The following NXNL1 variants were observed in gnomAD, a reference collection of about 807,000 sequenced individuals.
The protein encoded by NXNL1 is nucleoredoxin like 1, also known as nucleoredoxin-like protein 1.
In NXNL1, 6 loss-of-function variants were observed where a neutral mutation model predicts 7.2. The observed-to-expected ratio is 0.83, with a 90% CI of 0.46 to 1.64. The LOEUF (loss-of-function observed/expected upper bound fraction) is 1.64, where lower values mean the gene tolerates loss of function less well. NXNL1 is among the 40% of genes most tolerant of loss of function. NXNL1 has a pLI of 0.01. For synonymous variants in NXNL1, 133 were observed against 127.2 expected (o/e 1.05, Z -0.31); for missense variants, 308 against 285.1 (o/e 1.08, Z -0.58).
chr19:17,458,455 G>A (rs1278593071), intron 1 of NXNL1, among the ~76,000 whole-genome samples: 7 of 151,402 alleles, frequency 4.6e-5, no homozygotes, highest in South Asian at 2.1e-4. Flanking sequence ...TGATCCGCCC[G>A]CCTCGGCCTC....
chr19:17,456,352 G>C (rs933878391), intron 1 of NXNL1, among the ~76,000 whole-genome samples: 11 of 110,652 alleles, frequency 9.9e-5, no homozygotes, highest in Non-Finnish European at 2.0e-4. Flanking sequence ...AGCAGGGTGT[G>C]GTGGTGCGCT....
At chr19:17,457,704 C>T (rs188285568) in intron 1 of NXNL1, among the ~76,000 whole-genome samples, 6 of 152,208 alleles carry the variant, frequency 3.9e-5, no homozygotes, top group East Asian at 1.9e-4. Flanking sequence ...ATCCCGTCTA[C>T]GGGGGATGTG....
intron 1 of NXNL1, among the ~76,000 whole-genome samples, chr19:17,460,051 C>T (rs2075006812): frequency 6.6e-6 from 1 of 152,084 alleles, no homozygotes; most frequent in South Asian, 2.1e-4. Flanking sequence ...CCCTCTGTCA[C>T]CCAGGCTGGA....
intron 1 of NXNL1, among the ~76,000 whole-genome samples, chr19:17,458,451 G>A (rs1337039962): frequency 2.6e-5 from 4 of 151,050 alleles, no homozygotes; most frequent in African/African-American, 4.9e-5. Flanking sequence ...CTCGTGATCC[G>A]CCCGCCTCGG....
intron 1 of NXNL1, among the ~76,000 whole-genome samples, chr19:17,459,354 C>G (rs182018261): frequency 6.6e-5 from 10 of 152,308 alleles, no homozygotes; most frequent in Middle Eastern, 3.4e-3. Context: ...TCCTCATTCT[C>G]CATCCTCCTA....
At chr19:17,460,427 AG>A in intron 1 of NXNL1, 116 bp downstream of exon 1, 1 of 1,109,586 alleles carries the variant, frequency 9.0e-7, no homozygotes, top group Non-Finnish European at 1.3e-6. Flanking sequence ...TGTACCCCCT[AG>A]TTCCCAGTAT....
In NXNL1 at chr19:17,455,663, G is replaced by GCCCCCCCCCCCCCCCCCC; in HGVS notation, c.622_623insGGGGGGGGGGGGGGGGGG (p.Gly207_Ala208insGlyGlyGlyGlyGlyGly). ...CCTAGCGGGTCAGAACAGCCCCCCG[G>GCCCCCCCCCCCCCCCCCC]CCCCGCCCTCCTCCCCACCCCCTCC... On this transcript the variant is annotated inframe_insertion, in exon 2 of 2. Transcript: ENST00000301944. 1.4e-5 allele frequency: 11 copies of GCCCCCCCCCCCCCCCCCC among 771,714 alleles called. No individual in the cohort carries two copies. The highest frequency in any genetic ancestry group is 6.0e-5 in the South Asian group (4 of 66,492). The allele number at this position is 771,714 out of a possible 1,614,324, so 47.8% of individuals were successfully genotyped here. A position where few individuals can be genotyped will look rare whatever the true frequency, so the allele number is the denominator to read the frequency against.
intron 1 of NXNL1, 32 bp downstream of exon 1, chr19:17,460,512 T>C: frequency 1.3e-6 from 2 of 1,594,830 alleles, no homozygotes; most frequent in Non-Finnish European, 1.7e-6. Flanking sequence ...ACATGCCCCC[T>C]CCTCCAGGAA....
chr19:17,456,697 C>T (rs1250136587), intron 1 of NXNL1, among the ~76,000 whole-genome samples: 2 of 152,038 alleles, frequency 1.3e-5, no homozygotes, highest in Non-Finnish European at 2.9e-5. Context: ...GCCTAGCCAA[C>T]ATGGTTAACA....
Position 17,455,515 on chromosome 19 carries a change from G to T in NXNL1, c.*132C>A, listed in dbSNP as rs2074988644. On this transcript the variant is annotated 3_prime_UTR_variant, in exon 2 of 2. Coordinates refer to ENST00000301944, the MANE Select transcript of NXNL1 (RefSeq NM_138454.2). ...AGGGTCTCACTCTCTTGCCCAGGTT[G>T]ATCTCGAACCTCTGGGCTCAAGCGA... 2 of 621,540 alleles carry T rather than the reference G, an allele frequency of 3.2e-6. No homozygotes were observed. The highest frequency in any genetic ancestry group is 5.6e-6 in the Non-Finnish European group (2 of 357,216). The allele number at this position is 621,540 out of a possible 1,614,324, so 38.5% of individuals were successfully genotyped here.
rs191170767 is a variant in NXNL1, at chr19:17,458,260, C to T, written c.326+2284G>A. On this transcript the variant is annotated intron_variant, in intron 1 of 1. Coordinates refer to ENST00000301944, the MANE Select transcript of NXNL1 (RefSeq NM_138454.2). ...TTTGTGACATAGTCTCGCTCTGTCG[C>T]CCAGGCTGGAGTGCAGTGGCACGAT... 6.6e-3 allele frequency among the ~76,000 whole-genome samples: 939 copies of T among 142,234 alleles called. 9 individuals carry two copies. The highest frequency in any genetic ancestry group is 0.023 in the African/African-American group (897 of 38,268). 93.3% of individuals were successfully genotyped at this position (142,234 alleles called of 152,430 possible).
Position 17,455,663 on chromosome 19 carries a change from G to GGCCCCCCCC in NXNL1, c.622_623insGGGGGGGGC (p.Ala208delinsGlyGlyGlyPro). The GGCCCCCCCC allele has an allele frequency of 5.2e-6, 4 of 771,710 alleles. No homozygotes were observed. Among genetic ancestry groups the GGCCCCCCCC allele is most frequent in the Non-Finnish European group, 4.3e-6 (2 of 464,462 alleles). 47.8% of individuals were successfully genotyped at this position (771,710 alleles called of 1,614,324 possible). A position where few individuals can be genotyped will look rare whatever the true frequency, so the allele number is the denominator to read the frequency against. Reference sequence around the variant, plus strand: ...CCTAGCGGGTCAGAACAGCCCCCCGGCCCCGCCCTCCTCCCCACCCCCTCC... The same window carrying GGCCCCCCCC: ...CCTAGCGGGTCAGAACAGCCCCCCGGGCCCCCCCCCCCCGCCCTCCTCCCCACCCCCTCC... On this transcript the variant is annotated protein_altering_variant, in exon 2 of 2. Transcript: ENST00000301944.
intron 1 of NXNL1, among the ~76,000 whole-genome samples, chr19:17,456,371 C>G (rs10402938): frequency 0.037 from 5,482 of 150,156 alleles, 289 homozygotes; most frequent in African/African-American, 0.11. Flanking sequence ...CTCCTGTAGT[C>G]CCAGGTACTC....
At position 17,455,444 on chromosome 19, in the gene NXNL1, AG is replaced by A; in HGVS notation, c.*202del. On this transcript the variant is annotated 3_prime_UTR_variant, in exon 2 of 2. Coordinates refer to ENST00000301944, the MANE Select transcript of NXNL1 (RefSeq NM_138454.2). Reference sequence around the variant, plus strand: ...TCAGCCTTCAGGGTAGCTAAGCCACAGGTGCGCGCCACCACACCGGGCTAAC... The same window carrying A: ...TCAGCCTTCAGGGTAGCTAAGCCACAGTGCGCGCCACCACACCGGGCTAAC... 1 of 576,712 alleles carries A rather than the reference AG, an allele frequency of 1.7e-6. No individual in the cohort carries two copies. The highest frequency in any genetic ancestry group is 2.9e-5 in the East Asian group (1 of 34,530). 35.7% of individuals were successfully genotyped at this position (576,712 alleles called of 1,614,324 possible). A position where few individuals can be genotyped will look rare whatever the true frequency, so the allele number is the denominator to read the frequency against.
In NXNL1 at chr19:17,455,584, CG is replaced by C; in HGVS notation, c.*62del. 2.0e-6 allele frequency: 2 copies of C among 1,010,714 alleles called. No individual in the cohort carries two copies. The highest frequency in any genetic ancestry group is 2.9e-6 in the Non-Finnish European group (2 of 696,314). The allele number at this position is 1,010,714 out of a possible 1,614,324, so 62.6% of individuals were successfully genotyped here. A position where few individuals can be genotyped will look rare whatever the true frequency, so the allele number is the denominator to read the frequency against. On this transcript the variant is annotated 3_prime_UTR_variant, in exon 2 of 2. Coordinates refer to ENST00000301944, the MANE Select transcript of NXNL1 (RefSeq NM_138454.2). ...CCCAAGTGCTGGGATTACAGGCGTG[CG>C]GGGGTGGGGTGGGGGTGGAGGTTCA... is the stretch of plus-strand genomic sequence containing the variant.
chr19:17,456,413 G>A (rs1024600859), intron 1 of NXNL1, among the ~76,000 whole-genome samples: 1 of 151,950 alleles, frequency 6.6e-6, no homozygotes, highest in Non-Finnish European at 1.5e-5. Flanking sequence ...CTTCCCTCGA[G>A]AAGTATCCCT....
chr19:17,457,105 A>C (rs12373557), intron 1 of NXNL1, among the ~76,000 whole-genome samples: 27 of 150,334 alleles, frequency 1.8e-4, no homozygotes, highest in Non-Finnish European at 3.0e-4. Flanking sequence ...AAAAAAAAAA[A>C]AAAAATTGGA....
chr19:17,455,930 C>G lies in NXNL1; in HGVS notation c.356G>C (p.Arg119Pro), dbSNP rs748127563. Residue 119 changes from arginine (R) to proline (P), a missense_variant, in exon 2 of 2, where the codon CGC becomes CCC. By Grantham distance (103) the Arg-to-Pro change is moderately radical. Coordinates refer to ENST00000301944, the MANE Select transcript of NXNL1 (RefSeq NM_138454.2). ...CTTGAGCACCACGACCGCCGGCAGGCGCTCCACTGAGAACTGGCGCCCGAG... is the reference window on the plus strand; with the variant it reads ...CTTGAGCACCACGACCGCCGGCAGGGGCTCCACTGAGAACTGGCGCCCGAG... ...RDLGRQFSVERLPAVVVLKPD... is the reference protein window; with the variant it reads ...RDLGRQFSVEPLPAVVVLKPD... 3 of 1,596,428 alleles carry G rather than the reference C, an allele frequency of 1.9e-6. No individual in the cohort carries two copies. The highest frequency in any genetic ancestry group is 1.1e-5 in the South Asian group (1 of 90,842).
At position 17,455,521 on chromosome 19, in the gene NXNL1, G is replaced by A. The variant is rs2074988651; in HGVS notation, c.*126C>T. ...TCACTCTCTTGCCCAGGTTGATCTC[G>A]AACCTCTGGGCTCAAGCGATCCTCC... On this transcript the variant is annotated 3_prime_UTR_variant, in exon 2 of 2. Transcript: ENST00000301944. 1.6e-6 allele frequency: 1 copy of A among 632,926 alleles called. No homozygotes were observed. The highest frequency in any genetic ancestry group is 2.0e-5 in the South Asian group (1 of 50,916). The allele number at this position is 632,926 out of a possible 1,614,324, so 39.2% of individuals were successfully genotyped here.
Sources: allele counts gnomAD v4.1 joint callset (sites outside exome capture counted in the v4.1 genomes callset), GRCh38; gene constraint gnomAD v4.1.1; transcripts MANE v1.5; gene names NCBI Gene and HGNC (gene_info 2026-07-23, HGNC 2026-07-21).